FUT9: variants seen among roughly 807,000 people sequenced by gnomAD.
The protein encoded by FUT9 is fucosyltransferase 9.
FUT9 carries 15 observed loss-of-function variants against 29.7 expected under a neutral mutation model. The observed-to-expected ratio is 0.51, with a 90% CI of 0.34 to 0.78. The LOEUF (loss-of-function observed/expected upper bound fraction) is 0.78, where lower values mean the gene tolerates loss of function less well. Ranked by LOEUF, FUT9 falls within the 30% of genes least tolerant of loss-of-function variation. The probability of loss-of-function intolerance (pLI) is 0.01; values close to 1 mark genes in which losing one functional copy is unlikely to be tolerated. For missense variants in FUT9, 319 were observed against 425.4 expected (o/e 0.75, Z 2.20); for synonymous variants, 169 against 153.7 (o/e 1.10, Z -0.74).
chr6:96,155,862 C>G (rs1160478601), intron 2 of FUT9, among the ~76,000 whole-genome samples: 2 of 152,082 alleles, frequency 1.3e-5, no homozygotes, highest in African/African-American at 2.4e-5. Context: ...GCCTCTAGAA[C>G]TGTGAGGAAA....
chr6:96,076,290 G>T (rs1315979074), intron 1 of FUT9, among the ~76,000 whole-genome samples: 1 of 152,142 alleles, frequency 6.6e-6, no homozygotes, highest in Non-Finnish European at 1.5e-5. Context: ...TATTAATAGT[G>T]ATTATTAAGA....
At chr6:96,057,221 G>C (rs1413106814) in intron 1 of FUT9, among the ~76,000 whole-genome samples, 1 of 152,154 alleles carries the variant, frequency 6.6e-6, no homozygotes, top group Non-Finnish European at 1.5e-5. Context: ...AGAGAGGTTG[G>C]ATAGATGAAA....
chr6:96,035,503 C>T (rs1770336785), intron 1 of FUT9, among the ~76,000 whole-genome samples: 2 of 150,310 alleles, frequency 1.3e-5, no homozygotes, highest in African/African-American at 2.4e-5. Context: ...GCATACAACA[C>T]ATTTAATTTC....
intron 1 of FUT9, among the ~76,000 whole-genome samples, chr6:96,072,877 T>G (rs1329352759): frequency 6.6e-6 from 1 of 152,186 alleles, no homozygotes; most frequent in African/African-American, 2.4e-5. Context: ...ATTGAGCAGA[T>G]AGTAATTATG....
chr6:96,113,242 C>G (rs1325692921), intron 1 of FUT9, among the ~76,000 whole-genome samples: 1 of 151,850 alleles, frequency 6.6e-6, no homozygotes, highest in Non-Finnish European at 1.5e-5. Context: ...TTTAACTATT[C>G]AATAACTTTT....
chr6:96,209,009 T>C lies in FUT9; in HGVS notation c.*4774T>C, dbSNP rs146488946. On this transcript the variant is annotated 3_prime_UTR_variant, in exon 3 of 3. Coordinates refer to ENST00000302103, the MANE Select transcript of FUT9 (RefSeq NM_006581.4). ...CCTTTAGTAATTCATATTGAATATA[T>C]CCATATTCATATGCATTTTATAAAA... 6.3e-3 allele frequency: 1,052 copies of C among 166,902 alleles called. 10 individuals are homozygous for C. The highest frequency in any genetic ancestry group is 4.3e-3 in the Non-Finnish European group (290 of 67,950). The allele number at this position is 166,902 out of a possible 1,614,324, so 10.3% of individuals were successfully genotyped here.
intron 2 of FUT9, among the ~76,000 whole-genome samples, chr6:96,193,310 A>C (rs1470792519): frequency 7.2e-6 from 1 of 139,806 alleles, no homozygotes; most frequent in Non-Finnish European, 1.5e-5. Flanking sequence ...TCATCTGACA[A>C]AGGGCTAATA....
intron 2 of FUT9, among the ~76,000 whole-genome samples, chr6:96,127,068 G>A (rs992557303): frequency 1.3e-5 from 2 of 152,132 alleles, no homozygotes; most frequent in East Asian, 1.9e-4. Context: ...AGGGGTACAC[G>A]TGCAGGTTTG....
chr6:96,089,093 T>C (rs9377367), intron 1 of FUT9, among the ~76,000 whole-genome samples: 21,710 of 152,164 alleles, frequency 0.14, 1,773 homozygotes, highest in Admixed American at 0.24. Flanking sequence ...CTCTCTTTGA[T>C]CGGAATACAA....
Position 96,208,506 on chromosome 6 carries a change from T to C in FUT9, c.*4271T>C, listed in dbSNP as rs1378519549. The C allele has an allele frequency of 6.0e-6, 1 of 166,844 alleles. No individual in the cohort carries two copies. Among genetic ancestry groups the C allele is most frequent in the Non-Finnish European group, 1.5e-5 (1 of 68,012 alleles). 10.3% of individuals were successfully genotyped at this position (166,844 alleles called of 1,614,324 possible). A position where few individuals can be genotyped will look rare whatever the true frequency, so the allele number is the denominator to read the frequency against. The stretch of plus-strand genomic sequence containing the variant: ...ATCAAATACTTGTTGAATAAATACA[T>C]GAATGTGATAAGTGGTCCTGTAAAA... On this transcript the variant is annotated 3_prime_UTR_variant, in exon 3 of 3. Transcript: ENST00000302103.
intron 1 of FUT9, among the ~76,000 whole-genome samples, chr6:96,033,088 G>A (rs17055922): frequency 6.6e-6 from 1 of 151,364 alleles, no homozygotes; most frequent in African/African-American, 2.4e-5. Context: ...TACAATGAGA[G>A]TTGAAATTCT....
intron 2 of FUT9, among the ~76,000 whole-genome samples, chr6:96,122,547 T>C (rs1167138100): frequency 6.6e-6 from 1 of 152,218 alleles, no homozygotes; most frequent in African/African-American, 2.4e-5. Context: ...ATAGTTATAA[T>C]TTTGTTTTGA....
intron 2 of FUT9, among the ~76,000 whole-genome samples, chr6:96,130,172 G>T (rs951873744): frequency 2.0e-5 from 3 of 151,806 alleles, no homozygotes; most frequent in African/African-American, 4.8e-5. Context: ...CAAGTAAAAA[G>T]AAAAAGAATC....
intron 2 of FUT9, among the ~76,000 whole-genome samples, chr6:96,155,527 G>T (rs553761081): frequency 1.3e-5 from 2 of 152,160 alleles, no homozygotes; most frequent in East Asian, 3.9e-4. Flanking sequence ...CAAAAAATTA[G>T]CTGGGCGTGG....
chr6:96,062,264 T>C (rs1316332823), intron 1 of FUT9, among the ~76,000 whole-genome samples: 1 of 151,882 alleles, frequency 6.6e-6, no homozygotes, highest in African/African-American at 2.4e-5. Flanking sequence ...GAAATCAAAA[T>C]AGTAATATAA....
chr6:96,105,791 C>T (rs1270860998), intron 1 of FUT9, among the ~76,000 whole-genome samples: 1 of 152,146 alleles, frequency 6.6e-6, no homozygotes, highest in African/African-American at 2.4e-5. Flanking sequence ...CAAACATCTG[C>T]AACAAATTCC....
At chr6:96,028,642 C>A (rs1770208761) in intron 1 of FUT9, among the ~76,000 whole-genome samples, 1 of 151,538 alleles carries the variant, frequency 6.6e-6, no homozygotes, top group African/African-American at 2.4e-5. Context: ...AAGACATAAT[C>A]ATTTCAGTTT....
intron 2 of FUT9, among the ~76,000 whole-genome samples, chr6:96,155,317 T>A (rs1379206977): frequency 6.6e-6 from 1 of 152,108 alleles, no homozygotes; most frequent in Non-Finnish European, 1.5e-5. Context: ...TGGTCTGAAA[T>A]GTGTTCTCAA....
chr6:96,059,711 G>T (rs1295355500), intron 1 of FUT9, among the ~76,000 whole-genome samples: 2 of 152,150 alleles, frequency 1.3e-5, no homozygotes, highest in Non-Finnish European at 2.9e-5. Context: ...TTTGAATTTA[G>T]TTTGTGGAAT....
Sources: gnomAD v4.1 joint callset for allele counts (sites outside exome capture counted in the v4.1 genomes callset) on GRCh38, gnomAD v4.1.1 for gene constraint, MANE v1.5 for transcripts, NCBI Gene and HGNC (gene_info 2026-07-23, HGNC 2026-07-21) for gene names.